The following GTF2E2 variants were observed in gnomAD, a reference collection of about 807,000 sequenced individuals.
GTF2E2 encodes transcription initiation factor IIE subunit beta.
A neutral mutation model predicts 40.5 loss-of-function variants in GTF2E2; 21 were observed. The ratio of observed to expected loss-of-function variants is 0.52; its 90% CI spans 0.37 to 0.75. The LOEUF is 0.75. Ranked by LOEUF, GTF2E2 falls within the 30% of genes least tolerant of loss-of-function variation. The pLI is 0.00. For synonymous variants in GTF2E2, 117 were observed against 121.6 expected (o/e 0.96, Z 0.25); for missense variants, 298 against 338.4 (o/e 0.88, Z 0.94).
intron 6 of GTF2E2, among the ~76,000 whole-genome samples, chr8:30,601,389 G>C (rs1236302806): frequency 6.6e-6 from 1 of 152,200 alleles, no homozygotes; most frequent in Non-Finnish European, 1.5e-5. Flanking sequence ...CTTTAACCAA[G>C]TTCCCAACAA....
chr8:30,591,611 C>T (rs1828853577), intron 6 of GTF2E2, among the ~76,000 whole-genome samples: 1 of 152,170 alleles, frequency 6.6e-6, no homozygotes, highest in Non-Finnish European at 1.5e-5. Flanking sequence ...TCACATCCAC[C>T]AGAATGGCTA....
At chr8:30,617,960 T>C (rs1800972930) in intron 3 of GTF2E2, among the ~76,000 whole-genome samples, 4 of 152,164 alleles carry the variant, frequency 2.6e-5, no homozygotes, top group Admixed American at 2.6e-4. Context: ...GTGATGATTC[T>C]TTAGAACATT....
chr8:30,633,490 T>G (rs1265592855), intron 3 of GTF2E2, among the ~76,000 whole-genome samples: 2 of 152,232 alleles, frequency 1.3e-5, no homozygotes, highest in Non-Finnish European at 2.9e-5. Flanking sequence ...GTGCCACTAT[T>G]TAAACTTTGC....
rs775773322 is a variant in GTF2E2 at position 30,635,051 on chromosome 8, T to A, written c.239A>T (p.Lys80Met). The change falls in exon 3 of 8, where the codon AAG becomes ATG. Residue 80 changes from lysine (K) to methionine (M), a missense_variant. Physicochemically the swap from Lys to Met is moderately conservative, Grantham distance 95. Coordinates refer to ENST00000355904, the MANE Select transcript of GTF2E2 (RefSeq NM_002095.6). ...SSGYKFGVLA[K>M]IVNYMKTRHQ... is the part of the protein sequence containing the mutation. ...ACTTACCTTCATGTAATTCACAATC[T>A]TAGCAAGAACACCAAACTTATATCC... 1.3e-6 allele frequency: 2 copies of A among 1,598,350 alleles called. No individual in the cohort carries two copies. The highest frequency in any genetic ancestry group is 1.7e-6 in the Non-Finnish European group (2 of 1,166,794).
chr8:30,616,394 C>T (rs1800918802), intron 3 of GTF2E2, among the ~76,000 whole-genome samples: 3 of 151,978 alleles, frequency 2.0e-5, no homozygotes, highest in Admixed American at 2.0e-4. Flanking sequence ...CAAGATCAAG[C>T]CATTGCATTC....
intron 5 of GTF2E2, among the ~76,000 whole-genome samples, chr8:30,609,028 C>T (rs1205588668): frequency 6.6e-6 from 1 of 152,090 alleles, no homozygotes; most frequent in Non-Finnish European, 1.5e-5. Flanking sequence ...GGATTACAGG[C>T]GTGAGCCACT....
At chr8:30,637,241 T>G in intron 2 of GTF2E2, 1 of 456,084 alleles carries the variant, frequency 2.2e-6, no homozygotes, top group South Asian at 1.5e-5. Context: ...AATATTAAGC[T>G]TACCCCACGC....
At chr8:30,622,755 T>C (rs1801150913) in intron 3 of GTF2E2, among the ~76,000 whole-genome samples, 2 of 152,186 alleles carry the variant, frequency 1.3e-5, no homozygotes, top group African/African-American at 2.4e-5. Flanking sequence ...TGCTCCTTGC[T>C]GAGAAAAAGA....
At chr8:30,645,196 A>G (rs1003043931) in intron 2 of GTF2E2, 2 of 1,191,696 alleles carry the variant, frequency 1.7e-6, no homozygotes, top group African/African-American at 3.1e-5. Flanking sequence ...TGCCTATACA[A>G]ATTTACTAAG....
At chr8:30,612,145 C>T (rs914280379) in intron 5 of GTF2E2, among the ~76,000 whole-genome samples, 154 bp downstream of exon 5, 2 of 152,158 alleles carry the variant, frequency 1.3e-5, no homozygotes, top group African/African-American at 4.8e-5. Context: ...CTAGGTGGCA[C>T]AAGACAAATT....
intron 5 of GTF2E2, among the ~76,000 whole-genome samples, chr8:30,609,283 G>T (rs1360293478): frequency 8.0e-6 from 1 of 125,652 alleles, no homozygotes. Flanking sequence ...AAAAAAAAGA[G>T]AAAGAAAGAA....
At chr8:30,629,262 T>C (rs959161380) in intron 3 of GTF2E2, among the ~76,000 whole-genome samples, 1 of 152,192 alleles carries the variant, frequency 6.6e-6, no homozygotes, top group African/African-American at 2.4e-5. Flanking sequence ...GGACCAGAAC[T>C]GTGTCTATGA....
intron 6 of GTF2E2, among the ~76,000 whole-genome samples, chr8:30,583,777 C>A (rs567295096): frequency 3.8e-4 from 57 of 151,870 alleles, no homozygotes; most frequent in African/African-American, 1.3e-3. Flanking sequence ...CCATGACGAT[C>A]AGTATTTATT....
chr8:30,633,741 T>C (rs1801506928), intron 3 of GTF2E2, among the ~76,000 whole-genome samples: 1 of 152,198 alleles, frequency 6.6e-6, no homozygotes, highest in African/African-American at 2.4e-5. Flanking sequence ...ATTCCCACCA[T>C]TAGTGCCCTA....
chr8:30,592,477 T>A (rs1828876045), intron 6 of GTF2E2, among the ~76,000 whole-genome samples: 1 of 152,178 alleles, frequency 6.6e-6, no homozygotes, highest in Non-Finnish European at 1.5e-5. Flanking sequence ...CTCACACACA[T>A]CGTTCACGTA....
At chr8:30,643,635 G>A (rs1183205489) in intron 2 of GTF2E2, 1 of 147,370 alleles carries the variant, frequency 6.8e-6, no homozygotes, top group Admixed American at 6.8e-5. Context: ...ACTCCAGCCT[G>A]GGCAACAGAG....
rs559207822 is a variant in GTF2E2 at position 30,583,422 on chromosome 8, T to G, written c.644-3026A>C. On this transcript the variant is annotated intron_variant, in intron 6 of 7. Coordinates refer to ENST00000355904, the MANE Select transcript of GTF2E2 (RefSeq NM_002095.6). ...TGAGACAGGGTCTCACTTTGTCACC[T>G]AGGCTGGAGTGCAGTGGCACAATCT... 4.6e-5 allele frequency among the ~76,000 whole-genome samples: 7 copies of G among 152,266 alleles called. No individual in the cohort carries two copies. The East Asian group carries it at 1.2e-3, about 25-fold the overall frequency.
intron 3 of GTF2E2, among the ~76,000 whole-genome samples, chr8:30,621,181 T>C (rs1427484616): frequency 6.6e-6 from 1 of 152,174 alleles, no homozygotes; most frequent in East Asian, 1.9e-4. Flanking sequence ...AGTACAAAAT[T>C]ACCAAAAGGC....
chr8:30,635,145 A>G, intron 2 of GTF2E2, 22 bp from the exon 3 acceptor site: 1 of 1,286,244 alleles, frequency 7.8e-7, no homozygotes. Context: ...GTTCAAAATA[A>G]CATCGTCATA....
Sources: allele counts gnomAD v4.1 joint callset (sites outside exome capture counted in the v4.1 genomes callset), GRCh38; gene constraint gnomAD v4.1.1; transcripts MANE v1.5; gene names NCBI Gene and HGNC (gene_info 2026-07-23, HGNC 2026-07-21).